B3GALT1: variants seen among roughly 807,000 people sequenced by gnomAD.
B3GALT1 encodes beta-1,3-galactosyltransferase 1.
B3GALT1 carries 10 observed loss-of-function variants against 23.2 expected under a neutral mutation model. That is an observed-to-expected ratio of 0.43 (90% CI 0.27 to 0.73). The LOEUF is 0.73. B3GALT1 is among the 30% of genes least tolerant of loss of function. B3GALT1 has a pLI of 0.21. For synonymous variants in B3GALT1, 156 were observed against 141.5 expected (o/e 1.10, Z -0.73); for missense variants, 299 against 405.4 (o/e 0.74, Z 2.25).
At chr2:167,697,666 G>A (rs1291442306) in intron 3 of B3GALT1, among the ~76,000 whole-genome samples, 1 of 152,158 alleles carries the variant, frequency 6.6e-6, no homozygotes, top group Non-Finnish European at 1.5e-5. Flanking sequence ...AGGAAATCAA[G>A]TATTATGATA....
intron 2 of B3GALT1, among the ~76,000 whole-genome samples, chr2:167,519,626 T>C (rs181823501): frequency 3.9e-5 from 6 of 152,338 alleles, no homozygotes; most frequent in Admixed American, 6.5e-5. Flanking sequence ...TTAATAACTC[T>C]ATAGCATTTT....
chr2:167,406,682 C>T (rs1349926702), intron 1 of B3GALT1, among the ~76,000 whole-genome samples: 1 of 152,176 alleles, frequency 6.6e-6, no homozygotes, highest in Non-Finnish European at 1.5e-5. Flanking sequence ...TGCGGACAGG[C>T]AGAGACAAAG....
intron 2 of B3GALT1, among the ~76,000 whole-genome samples, chr2:167,578,359 G>A (rs1233005142): frequency 6.6e-6 from 1 of 151,954 alleles, no homozygotes; most frequent in Non-Finnish European, 1.5e-5. Flanking sequence ...AGTAGGTTGT[G>A]CTAAGGCTGT....
chr2:167,621,013 T>C (rs749387634), intron 2 of B3GALT1, among the ~76,000 whole-genome samples: 1 of 151,908 alleles, frequency 6.6e-6, no homozygotes, highest in Non-Finnish European at 1.5e-5. Context: ...TAGTAGAGAG[T>C]TTAGTATATT....
intron 2 of B3GALT1, among the ~76,000 whole-genome samples, chr2:167,617,188 A>G (rs1204064744): frequency 6.6e-6 from 1 of 152,042 alleles, no homozygotes; most frequent in Non-Finnish European, 1.5e-5. Context: ...ATAGCTGCCT[A>G]AGCTGTAACC....
intron 4 of B3GALT1, among the ~76,000 whole-genome samples, chr2:167,834,680 CT>C: frequency 6.6e-6 from 1 of 152,266 alleles, no homozygotes; most frequent in East Asian, 1.9e-4. Context: ...AAAACCCCAT[CT>C]CCACTAAAAA....
chr2:167,531,317 A>C (rs1449285419), intron 2 of B3GALT1, among the ~76,000 whole-genome samples: 2 of 152,158 alleles, frequency 1.3e-5, no homozygotes, highest in Non-Finnish European at 2.9e-5. Flanking sequence ...AGGAAAGGGG[A>C]TAGAGCAGAA....
chr2:167,652,061 G>T (rs974316561), intron 3 of B3GALT1, among the ~76,000 whole-genome samples: 1 of 152,190 alleles, frequency 6.6e-6, no homozygotes, highest in African/African-American at 2.4e-5. Context: ...CCACCCCAGG[G>T]GTTAACAAGG....
chr2:167,646,692 C>A (rs1213218149), intron 2 of B3GALT1, among the ~76,000 whole-genome samples: 1 of 152,052 alleles, frequency 6.6e-6, no homozygotes, highest in Non-Finnish European at 1.5e-5. Flanking sequence ...CCCACTCCCC[C>A]TTGTGAGAAG....
chr2:167,464,525 G>A (rs772832992), intron 1 of B3GALT1, among the ~76,000 whole-genome samples: 22 of 152,104 alleles, frequency 1.4e-4, no homozygotes, highest in African/African-American at 2.2e-4. Flanking sequence ...GTGGTCAGTC[G>A]TCTGTTTAGT....
intron 1 of B3GALT1, among the ~76,000 whole-genome samples, chr2:167,351,986 A>T (rs1167725501): frequency 7.3e-6 from 1 of 136,056 alleles, no homozygotes; most frequent in East Asian, 2.1e-4. Context: ...TTTGAGTCAG[A>T]GTCTTGCTCT....
intron 3 of B3GALT1, among the ~76,000 whole-genome samples, chr2:167,773,942 G>A (rs545305502): frequency 3.3e-5 from 5 of 152,318 alleles, no homozygotes; most frequent in Admixed American, 6.5e-5. Context: ...TGAGCTAATT[G>A]AAAGGTTAAA....
chr2:167,705,314 T>C (rs757948601), intron 3 of B3GALT1, among the ~76,000 whole-genome samples: 7 of 152,186 alleles, frequency 4.6e-5, no homozygotes, highest in African/African-American at 7.2e-5. Context: ...GAAAAACTTA[T>C]CTCAGCTTTA....
chr2:167,414,429 C>T (rs1403330522), intron 1 of B3GALT1, among the ~76,000 whole-genome samples: 2 of 152,116 alleles, frequency 1.3e-5, no homozygotes, highest in African/African-American at 4.8e-5. Context: ...TTATAATGTT[C>T]ACTTTATGGA....
chr2:167,839,316 C>T (rs1689574794), intron 4 of B3GALT1, among the ~76,000 whole-genome samples: 1 of 151,576 alleles, frequency 6.6e-6, no homozygotes, highest in African/African-American at 2.4e-5. Flanking sequence ...AGCTGATAAG[C>T]AACTTCAGCA....
At chr2:167,666,304 G>C (rs1038963364) in intron 3 of B3GALT1, among the ~76,000 whole-genome samples, 3 of 152,146 alleles carry the variant, frequency 2.0e-5, no homozygotes, top group African/African-American at 7.2e-5. Context: ...ATTGCACTGT[G>C]GTCTGAAAGA....
At chr2:167,464,175 A>G (rs933143867) in intron 1 of B3GALT1, among the ~76,000 whole-genome samples, 1 of 151,770 alleles carries the variant, frequency 6.6e-6, no homozygotes, top group African/African-American at 2.4e-5. Flanking sequence ...TTTTTTTTTA[A>G]AAAAGGATCT....
chr2:167,597,876 G>A (rs372702126), intron 2 of B3GALT1, among the ~76,000 whole-genome samples: 1 of 152,132 alleles, frequency 6.6e-6, no homozygotes. Flanking sequence ...AACTTAAATC[G>A]CATCAGATTT....
chr2:167,389,509 G>A (rs16853560), intron 1 of B3GALT1, among the ~76,000 whole-genome samples: 1,814 of 152,186 alleles, frequency 0.012, 35 homozygotes, highest in African/African-American at 0.038. Flanking sequence ...TGATGCTACC[G>A]CTGTTAGGGA....
Sources: gnomAD v4.1 joint callset for allele counts (sites outside exome capture counted in the v4.1 genomes callset) on GRCh38, gnomAD v4.1.1 for gene constraint, MANE v1.5 for transcripts, NCBI Gene and HGNC (gene_info 2026-07-23, HGNC 2026-07-21) for gene names.